The following ANXA8 variants were observed in gnomAD, a reference collection of about 807,000 sequenced individuals.
ANXA8 encodes annexin A8, also known as VAC-beta.
A neutral mutation model predicts 26.8 loss-of-function variants in ANXA8; 9 were observed. That is an observed-to-expected ratio of 0.34 (90% CI 0.20 to 0.59). The LOEUF is 0.59. ANXA8 is among the 20% of genes least tolerant of loss of function. ANXA8 has a pLI of 0.84. For synonymous variants in ANXA8, 39 were observed against 94.8 expected (o/e 0.41, Z 3.42); for missense variants, 83 against 238.5 (o/e 0.35, Z 4.29).
chr10:47,943,889 C>T, the ANXA8 span, among the ~76,000 whole-genome samples: 7 of 147,708 alleles, frequency 4.7e-5, no homozygotes, highest in Admixed American at 1.3e-4. Flanking sequence ...TGGCAGGCTG[C>T]TCTGTAGCCC....
the ANXA8 span, among the ~76,000 whole-genome samples, chr10:47,622,075 T>A: frequency 8.9e-6 from 1 of 111,884 alleles, no homozygotes; most frequent in Non-Finnish European, 1.9e-5. Flanking sequence ...ACAAAAAAAA[T>A]GTATAGGTTA....
At chr10:47,701,633 T>C in the ANXA8 span, among the ~76,000 whole-genome samples, 2 of 151,698 alleles carry the variant, frequency 1.3e-5, no homozygotes, top group South Asian at 4.2e-4. Context: ...GTCCTTCCTG[T>C]AAGAAGGATT....
At chr10:47,659,801 G>C in the ANXA8 span, among the ~76,000 whole-genome samples, 1 of 148,342 alleles carries the variant, frequency 6.7e-6, no homozygotes, top group African/African-American at 2.5e-5. Context: ...CTGTGGCTGA[G>C]GCTGGGGTGC....
the ANXA8 span, among the ~76,000 whole-genome samples, chr10:47,962,662 T>TCC: frequency 3.5e-5 from 1 of 28,618 alleles, no homozygotes; most frequent in Non-Finnish European, 8.7e-5. Flanking sequence ...AGACACACAC[T>TCC]TATAAGCACA....
chr10:47,928,748 C>CTTTT, the ANXA8 span, among the ~76,000 whole-genome samples: 18 of 96,048 alleles, frequency 1.9e-4, no homozygotes, highest in African/African-American at 7.0e-4. Context: ...TTCTCTCTCT[C>CTTTT]TCTTTTTTTT....
At chr10:47,656,134 C>T in the ANXA8 span, among the ~76,000 whole-genome samples, 12 of 149,364 alleles carry the variant, frequency 8.0e-5, no homozygotes, top group East Asian at 2.0e-4. Flanking sequence ...TGGTGGCTCA[C>T]GCCTATAATC....
At chr10:47,631,682 A>G in the ANXA8 span, among the ~76,000 whole-genome samples, 1 of 150,432 alleles carries the variant, frequency 6.6e-6, no homozygotes, top group Non-Finnish European at 1.5e-5. Flanking sequence ...TTTTTAAATA[A>G]ATAATGGTTG....
the ANXA8 span, among the ~76,000 whole-genome samples, chr10:47,953,599 A>T: frequency 6.6e-6 from 1 of 150,600 alleles, no homozygotes; most frequent in Non-Finnish European, 1.5e-5. Context: ...AGGAAATGAC[A>T]AAGTGAAGAG....
chr10:47,493,605 A>C, the ANXA8 span, among the ~76,000 whole-genome samples: 1 of 150,656 alleles, frequency 6.6e-6, no homozygotes, highest in Admixed American at 6.6e-5. Context: ...ACTCTCCACC[A>C]GTCCCCGCTT....
At chr10:47,608,096 T>C in the ANXA8 span, among the ~76,000 whole-genome samples, 2 of 147,228 alleles carry the variant, frequency 1.4e-5, no homozygotes, top group Non-Finnish European at 3.0e-5. Context: ...TGCAATTAAA[T>C]AAACACTTGG....
the ANXA8 span, among the ~76,000 whole-genome samples, chr10:47,772,380 ACTCACATCC>A: frequency 6.6e-6 from 1 of 152,232 alleles, no homozygotes; most frequent in Non-Finnish European, 1.5e-5. Context: ...TTATTTCCTC[ACTCACATCC>A]CTCATCTTAT....
the ANXA8 span, among the ~76,000 whole-genome samples, chr10:47,530,755 C>G: frequency 7.5e-6 from 1 of 133,180 alleles, no homozygotes; most frequent in African/African-American, 2.8e-5. Flanking sequence ...ACCCACATCC[C>G]TCTTATCCCA....
chr10:47,701,666 G>A, the ANXA8 span, among the ~76,000 whole-genome samples: 9 of 151,740 alleles, frequency 5.9e-5, no homozygotes, highest in Non-Finnish European at 1.0e-4. Flanking sequence ...AAATACCTCT[G>A]TTTATTTGTG....
the ANXA8 span, chr10:47,510,136 A>G: frequency 8.5e-7 from 1 of 1,178,162 alleles, no homozygotes; most frequent in Admixed American, 2.8e-5. Flanking sequence ...TTCCGAATAA[A>G]GGAATCTGTC....
At chr10:47,646,064 C>T in the ANXA8 span, among the ~76,000 whole-genome samples, 2 of 149,242 alleles carry the variant, frequency 1.3e-5, no homozygotes, top group Admixed American at 1.3e-4. Context: ...CTATCTATTT[C>T]ATCTGTAAAA....
At chr10:47,733,176 T>G in the ANXA8 span, among the ~76,000 whole-genome samples, 1 of 102,908 alleles carries the variant, frequency 9.7e-6, no homozygotes, top group African/African-American at 3.0e-5. Flanking sequence ...TTTCTTTCTT[T>G]CTTTCTTTCT....
chr10:47,518,644 A>T, the ANXA8 span, among the ~76,000 whole-genome samples: 2 of 112,048 alleles, frequency 1.8e-5, no homozygotes, highest in African/African-American at 3.6e-5. Flanking sequence ...TTGATCTCCT[A>T]ACCTCGTGAT....
At chr10:47,504,417 A>C in the ANXA8 span, among the ~76,000 whole-genome samples, 1 of 125,466 alleles carries the variant, frequency 8.0e-6, no homozygotes, top group Non-Finnish European at 1.6e-5. Flanking sequence ...TTCTCAGCAC[A>C]TCATGGTCTG....
the ANXA8 span, among the ~76,000 whole-genome samples, chr10:47,570,984 G>A: frequency 1.3e-5 from 2 of 150,816 alleles, no homozygotes. Context: ...GCATCATTAC[G>A]AGGAGCCTAT....
Sources: gnomAD v4.1 joint callset for allele counts (sites outside exome capture counted in the v4.1 genomes callset) on GRCh38, gnomAD v4.1.1 for gene constraint, MANE v1.5 for transcripts, NCBI Gene and HGNC (gene_info 2026-07-23, HGNC 2026-07-21) for gene names.